Variants in THSD7A observed in about 807,000 individuals in gnomAD.
THSD7A encodes thrombospondin type 1 domain containing 7A.
Under a neutral mutation model 231.3 loss-of-function variants are expected in THSD7A, and 96 were observed. That is an observed-to-expected ratio of 0.41 (90% CI 0.35 to 0.49). The LOEUF is 0.49. THSD7A is among the 20% of genes least tolerant of loss of function. The pLI is 0.05. For missense variants in THSD7A, 2,290 were observed against 2,070.2 expected, an observed-to-expected ratio of 1.11 and a Z score of -2.06; for synonymous variants, 940 against 743.3, an observed-to-expected ratio of 1.26 and a Z score of -4.30.
intron 11 of THSD7A, among the ~76,000 whole-genome samples, chr7:11,455,739 G>C (rs1028305752): frequency 1.3e-5 from 2 of 151,914 alleles, no homozygotes; most frequent in Admixed American, 1.3e-4. Flanking sequence ...TTATTCCTGT[G>C]TTGCTTTAAC....
intron 17 of THSD7A, among the ~76,000 whole-genome samples, chr7:11,415,339 C>T (rs752742154): frequency 2.6e-5 from 4 of 152,334 alleles, no homozygotes; most frequent in African/African-American, 4.8e-5. Context: ...GAATAACTTG[C>T]TCCCATAGAA....
In THSD7A at chr7:11,823,842, A is replaced by G. The variant is rs577923480; in HGVS notation, c.190+7915T>C. 7.9e-5 allele frequency among the ~76,000 whole-genome samples: 12 copies of G among 152,190 alleles called. No homozygotes were observed. In the East Asian group the frequency reaches 1.5e-3, roughly 20 times the overall value. ...TTTACTGTTTGGGTACATAGGAACTACATGCATGGAAACCACCTGGGTATT... is the reference window on the plus strand; with the variant it reads ...TTTACTGTTTGGGTACATAGGAACTGCATGCATGGAAACCACCTGGGTATT... On this transcript the variant is annotated intron_variant, in intron 1 of 27. Coordinates refer to ENST00000423059, the MANE Select transcript of THSD7A (RefSeq NM_015204.3).
At chr7:11,673,078 G>A (rs1669079275) in intron 1 of THSD7A, among the ~76,000 whole-genome samples, 2 of 152,148 alleles carry the variant, frequency 1.3e-5, no homozygotes, top group South Asian at 4.2e-4. Flanking sequence ...GATCATTTGA[G>A]AGAAAACACA....
chr7:11,465,995 C>A (rs532317986), intron 9 of THSD7A, among the ~76,000 whole-genome samples: 2 of 152,218 alleles, frequency 1.3e-5, no homozygotes, highest in African/African-American at 4.8e-5. Flanking sequence ...TGATCTTTAT[C>A]AGCATTGATT....
chr7:11,532,763 A>G (rs1177637247), intron 6 of THSD7A, among the ~76,000 whole-genome samples: 1 of 152,198 alleles, frequency 6.6e-6, no homozygotes, highest in Non-Finnish European at 1.5e-5. Flanking sequence ...TGAGAATGAT[A>G]TGCTATTGGA....
chr7:11,376,503 C>T (rs1199486418), intron 27 of THSD7A, 67 bp downstream of exon 27: 4 of 1,201,064 alleles, frequency 3.3e-6, no homozygotes, highest in South Asian at 1.4e-5. Context: ...TTATTTGAGA[C>T]ATTAGTTTGC....
intron 1 of THSD7A, among the ~76,000 whole-genome samples, chr7:11,748,028 C>G (rs28690272): frequency 0.043 from 6,536 of 151,950 alleles, 479 homozygotes; most frequent in African/African-American, 0.15. Context: ...TGATGAATTT[C>G]TACTTTAACC....
chr7:11,553,515 C>G (rs1789718287), intron 4 of THSD7A, among the ~76,000 whole-genome samples: 1 of 151,926 alleles, frequency 6.6e-6, no homozygotes, highest in African/African-American at 2.4e-5. Context: ...CTAGAATGGC[C>G]CAGTTCTTAC....
In THSD7A at chr7:11,375,270, A is replaced by AT. The variant is rs968452966; in HGVS notation, c.*523dup. ...CCAAGATGCTGAATTTATTCAGTGG[A>AT]TTTTCTGCTTAGCTTAGAGTTTATT... On this transcript the variant is annotated 3_prime_UTR_variant, in exon 28 of 28. Coordinates refer to ENST00000423059, the MANE Select transcript of THSD7A (RefSeq NM_015204.3). 4 of 151,968 alleles carry AT rather than the reference A, an allele frequency of 2.6e-5. No homozygotes were observed. The highest frequency in any genetic ancestry group is 9.7e-5 in the African/African-American group (4 of 41,396). 9.4% of individuals were successfully genotyped at this position (151,968 alleles called of 1,614,324 possible). A position where few individuals can be genotyped will look rare whatever the true frequency, so the allele number is the denominator to read the frequency against.
intron 1 of THSD7A, among the ~76,000 whole-genome samples, chr7:11,650,729 C>T (rs1020112261): frequency 1.4e-4 from 21 of 151,954 alleles, no homozygotes; most frequent in African/African-American, 4.8e-4. Flanking sequence ...CAAGAGTGAG[C>T]GAAGGCAGAG....
intron 2 of THSD7A, among the ~76,000 whole-genome samples, chr7:11,619,346 A>G (rs1562774417): frequency 6.6e-6 from 1 of 151,770 alleles, no homozygotes; most frequent in Non-Finnish European, 1.5e-5. Context: ...TATTTTATCT[A>G]AACTTTTACA....
intron 2 of THSD7A, among the ~76,000 whole-genome samples, chr7:11,603,883 TG>T (rs1309046190): frequency 1.7e-5 from 1 of 58,342 alleles, no homozygotes; most frequent in African/African-American, 6.9e-5. Flanking sequence ...TGTGGTGGGG[TG>T]GGGGGAGGGG....
At chr7:11,784,477 T>C (rs1783725972) in intron 1 of THSD7A, among the ~76,000 whole-genome samples, 1 of 152,010 alleles carries the variant, frequency 6.6e-6, no homozygotes, top group Non-Finnish European at 1.5e-5. Context: ...AAGTGTCTCT[T>C]TTTGCTGCAT....
At chr7:11,448,019 G>C (rs568287692) in intron 11 of THSD7A, among the ~76,000 whole-genome samples, 5 of 152,032 alleles carry the variant, frequency 3.3e-5, no homozygotes, top group African/African-American at 9.7e-5. Flanking sequence ...ATTAGGAAGG[G>C]TTGGAATCAT....
intron 1 of THSD7A, among the ~76,000 whole-genome samples, chr7:11,792,598 G>A (rs1783991835): frequency 6.6e-6 from 1 of 151,948 alleles, no homozygotes; most frequent in South Asian, 2.1e-4. Context: ...AGCCTGCAGA[G>A]TGAATGTAAT....
At chr7:11,710,912 GATAAA>G (rs1428346865) in intron 1 of THSD7A, among the ~76,000 whole-genome samples, 2 of 150,568 alleles carry the variant, frequency 1.3e-5, no homozygotes, top group Non-Finnish European at 3.0e-5. Flanking sequence ...TACCCTATTT[GATAAA>G]ATAATATATA....
In THSD7A at chr7:11,422,733, A is replaced by G. The variant is rs865785253; in HGVS notation, c.3383+1963T>C. ...AGTAGCACCGTCTCGGCTCACTGCA[A>G]CCTCTACCTCCTGGGTTCAAGCAGT... On this transcript the variant is annotated intron_variant, in intron 16 of 27. Transcript: ENST00000423059. Among the ~76,000 whole-genome samples the G allele has an allele frequency of 2.6e-5, 4 of 152,114 alleles. No homozygotes were observed. In the South Asian group the frequency reaches 6.2e-4, roughly 24 times the overall value.
At chr7:11,534,132 T>C (rs1156774976) in intron 6 of THSD7A, among the ~76,000 whole-genome samples, 3 of 152,186 alleles carry the variant, frequency 2.0e-5, no homozygotes, top group Admixed American at 6.5e-5. Context: ...TATAATTGCA[T>C]GAGAATTTTT....
At chr7:11,397,590 A>C (rs1320431268) in intron 23 of THSD7A, among the ~76,000 whole-genome samples, 1 of 152,242 alleles carries the variant, frequency 6.6e-6, no homozygotes, top group Non-Finnish European at 1.5e-5. Context: ...TCTGCACAGC[A>C]AAAGAAACTA....
Sources: allele counts gnomAD v4.1 joint callset (sites outside exome capture counted in the v4.1 genomes callset), GRCh38; gene constraint gnomAD v4.1.1; transcripts MANE v1.5; gene names NCBI Gene and HGNC (gene_info 2026-07-23, HGNC 2026-07-21).